Variants in PEX5L observed in about 807,000 individuals in gnomAD.
PEX5L encodes the protein PEX5-related protein.
PEX5L carries 30 observed loss-of-function variants against 84.0 expected under a neutral mutation model. The observed-to-expected ratio is 0.36, with a 90% CI of 0.27 to 0.48. The LOEUF is 0.48. Ranked by LOEUF, PEX5L falls within the 20% of genes least tolerant of loss-of-function variation. The pLI is 0.99. For synonymous variants in PEX5L, 270 were observed against 283.1 expected (o/e 0.95, Z 0.46); for missense variants, 533 against 754.6 (o/e 0.71, Z 3.44).
intron 8 of PEX5L, among the ~76,000 whole-genome samples, chr3:179,821,478 T>A (rs1560234237): frequency 6.6e-6 from 1 of 152,246 alleles, no homozygotes; most frequent in Non-Finnish European, 1.5e-5. Flanking sequence ...AATTATAATC[T>A]TATTTCTTTT....
At chr3:180,016,332 T>C (rs1231349652) in intron 1 of PEX5L, among the ~76,000 whole-genome samples, 1 of 152,216 alleles carries the variant, frequency 6.6e-6, no homozygotes, top group African/African-American at 2.4e-5. Flanking sequence ...GTCAGCTCAG[T>C]GCTATGAAAT....
At chr3:179,836,152 C>T (rs1450530259) in intron 8 of PEX5L, among the ~76,000 whole-genome samples, 1 of 152,146 alleles carries the variant, frequency 6.6e-6, no homozygotes, top group Non-Finnish European at 1.5e-5. Context: ...AACTCTGAAT[C>T]CAAGGGCCAG....
intron 2 of PEX5L, among the ~76,000 whole-genome samples, chr3:179,939,903 T>C (rs1412412741): frequency 1.3e-5 from 2 of 152,174 alleles, no homozygotes; most frequent in Admixed American, 1.3e-4. Context: ...GGTATCATTT[T>C]GATCAACTTA....
chr3:179,993,044 G>A (rs777444295), intron 1 of PEX5L, among the ~76,000 whole-genome samples: 1 of 151,608 alleles, frequency 6.6e-6, no homozygotes, highest in Non-Finnish European at 1.5e-5. Flanking sequence ...ACTCCCCCCC[G>A]TTATTACAAG....
chr3:179,976,187 TG>T (rs1785767654), intron 1 of PEX5L, among the ~76,000 whole-genome samples: 1 of 152,148 alleles, frequency 6.6e-6, no homozygotes, highest in Non-Finnish European at 1.5e-5. Context: ...ACGATGCAGG[TG>T]GCGAATTAGT....
chr3:179,957,799 T>C (rs988950292), intron 2 of PEX5L, among the ~76,000 whole-genome samples: 3 of 152,222 alleles, frequency 2.0e-5, no homozygotes, highest in Non-Finnish European at 4.4e-5. Context: ...TTGAAACATA[T>C]GTAGCAACCT....
chr3:180,015,247 G>C (rs1038251905), intron 1 of PEX5L, among the ~76,000 whole-genome samples: 2 of 152,166 alleles, frequency 1.3e-5, no homozygotes, highest in Non-Finnish European at 2.9e-5. Flanking sequence ...AACATTTGAT[G>C]AATGTTTAAA....
At position 179,988,426 on chromosome 3, in the gene PEX5L, A is replaced by C. The variant is rs1024010981; in HGVS notation, c.22-16761T>G. On this transcript the variant is annotated intron_variant, in intron 1 of 14. Coordinates refer to ENST00000467460, the MANE Select transcript of PEX5L (RefSeq NM_016559.3). ...AATAAATAAATAAATAAATAAAATA[A>C]AAAAAGAAAGAAGAGGTCCATTGTT... is the stretch of plus-strand genomic sequence containing the variant. Among the ~76,000 whole-genome samples, 13 of 151,676 alleles carry C rather than the reference A, an allele frequency of 8.6e-5. No individual in the cohort carries two copies. In the South Asian group the frequency reaches 2.5e-3, roughly 29 times the overall value.
chr3:179,840,183 GTTTT>G (rs71182521), intron 8 of PEX5L, among the ~76,000 whole-genome samples: 23 of 78,708 alleles, frequency 2.9e-4, no homozygotes, highest in Admixed American at 1.3e-3. Flanking sequence ...GTGTGTGTGT[GTTTT>G]TTTTTTTTTT....
chr3:179,991,289 G>C (rs1787351733), intron 1 of PEX5L, among the ~76,000 whole-genome samples: 1 of 152,192 alleles, frequency 6.6e-6, no homozygotes, highest in Admixed American at 6.5e-5. Context: ...TGGATGCACT[G>C]TCACTCCAGC....
At chr3:179,932,035 A>G (rs1773259066) in intron 2 of PEX5L, among the ~76,000 whole-genome samples, 1 of 152,190 alleles carries the variant, frequency 6.6e-6, no homozygotes, top group East Asian at 1.9e-4. Context: ...GTTTATCCTA[A>G]TCTTATTTAG....
chr3:179,994,513 G>C (rs1307403047), intron 1 of PEX5L, among the ~76,000 whole-genome samples: 1 of 152,154 alleles, frequency 6.6e-6, no homozygotes, highest in African/African-American at 2.4e-5. Flanking sequence ...TTATCCCAGA[G>C]TAAAGTGTTT....
intron 8 of PEX5L, among the ~76,000 whole-genome samples, chr3:179,855,086 TG>T (rs1253937221): frequency 6.6e-6 from 1 of 152,030 alleles, no homozygotes; most frequent in Non-Finnish European, 1.5e-5. Context: ...GCAGTAAACT[TG>T]GGTGTGGGAG....
chr3:179,866,080 A>G (rs563117652), intron 7 of PEX5L, among the ~76,000 whole-genome samples: 14 of 152,316 alleles, frequency 9.2e-5, no homozygotes, highest in African/African-American at 3.1e-4. Flanking sequence ...CAAAGAAGAA[A>G]GCATTAAGTT....
intron 2 of PEX5L, among the ~76,000 whole-genome samples, chr3:179,925,615 A>G (rs985165381): frequency 1.3e-5 from 2 of 152,196 alleles, no homozygotes; most frequent in African/African-American, 4.8e-5. Flanking sequence ...ATTATTTCCT[A>G]TTTTGACACA....
chr3:180,024,189 C>CAG (rs1790689456), intron 1 of PEX5L, among the ~76,000 whole-genome samples: 1 of 151,542 alleles, frequency 6.6e-6, no homozygotes, highest in African/African-American at 2.4e-5. Context: ...TTTGAATCTT[C>CAG]TTAGCCTGTA....
At chr3:179,930,160 C>T (rs1011344939) in intron 2 of PEX5L, among the ~76,000 whole-genome samples, 2 of 152,182 alleles carry the variant, frequency 1.3e-5, no homozygotes, top group African/African-American at 4.8e-5. Context: ...CTTTAACAAG[C>T]TGTTCTGGTG....
chr3:179,935,650 A>C (rs1774367762), intron 2 of PEX5L, among the ~76,000 whole-genome samples: 1 of 152,176 alleles, frequency 6.6e-6, no homozygotes, highest in South Asian at 2.1e-4. Context: ...GGTAGTCACA[A>C]TTATTTTGGT....
At chr3:179,978,067 T>C (rs1435068213) in intron 1 of PEX5L, among the ~76,000 whole-genome samples, 1 of 152,230 alleles carries the variant, frequency 6.6e-6, no homozygotes, top group African/African-American at 2.4e-5. Flanking sequence ...GCCATATGCA[T>C]GAGCCCAGAC....
Sources: allele counts gnomAD v4.1 joint callset (sites outside exome capture counted in the v4.1 genomes callset), GRCh38; gene constraint gnomAD v4.1.1; transcripts MANE v1.5; gene names NCBI Gene and HGNC (gene_info 2026-07-23, HGNC 2026-07-21).